Variants in SPATA6 observed in about 807,000 individuals in gnomAD.
SPATA6 encodes spermatogenesis associated 6.
In SPATA6, 56 loss-of-function variants were observed where a neutral mutation model predicts 65.3. The ratio of observed to expected loss-of-function variants is 0.86; its 90% CI spans 0.69 to 1.07. The LOEUF is 1.07. SPATA6 is among the 50% of genes least tolerant of loss of function. The pLI is 0.00. For missense variants in SPATA6, 590 were observed against 594.8 expected (o/e 0.99, Z 0.08); for synonymous variants, 199 against 213.2 (o/e 0.93, Z 0.58).
chr1:48,262,461 A>G, the SPATA6 span: 1 of 152,286 alleles, frequency 6.6e-6, no homozygotes, highest in Admixed American at 6.5e-5. Flanking sequence ...GCGTAAGTAG[A>G]TCATATAACC....
downstream of SPATA6, among the ~76,000 whole-genome samples, chr1:48,291,167 C>A (rs72887976): frequency 0.025 from 3,751 of 152,276 alleles, 99 homozygotes; most frequent in African/African-American, 0.067. Context: ...CTGTGAGGGT[C>A]CTCGATTTAA....
the SPATA6 span, among the ~76,000 whole-genome samples, chr1:48,275,617 T>C: frequency 6.6e-6 from 1 of 152,200 alleles, no homozygotes; most frequent in East Asian, 1.9e-4. Flanking sequence ...TTTGTCATTG[T>C]TTCTGTTTCT....
chr1:48,299,252 G>A (rs1053811077), intron 12 of SPATA6, among the ~76,000 whole-genome samples: 5 of 151,902 alleles, frequency 3.3e-5, no homozygotes, highest in African/African-American at 4.8e-5. Flanking sequence ...AGTGGCTCAC[G>A]CCTATAATCC....
chr1:48,471,596 A>G (rs1658252893), intron 1 of SPATA6, among the ~76,000 whole-genome samples: 1 of 152,074 alleles, frequency 6.6e-6, no homozygotes, highest in African/African-American at 2.4e-5. Context: ...ATAATTCTCT[A>G]AGAGAACTGG....
At chr1:48,320,416 C>G (rs1645567588) in intron 11 of SPATA6, among the ~76,000 whole-genome samples, 1 of 152,162 alleles carries the variant, frequency 6.6e-6, no homozygotes, top group African/African-American at 2.4e-5. Context: ...CGGCAGCAAG[C>G]TGACTTCTCA....
intron 3 of SPATA6, among the ~76,000 whole-genome samples, chr1:48,432,250 A>G (rs1382456629): frequency 6.6e-6 from 1 of 152,240 alleles, no homozygotes; most frequent in Non-Finnish European, 1.5e-5. Flanking sequence ...GATTTCTTGG[A>G]TAACACAACC....
At chr1:48,400,977 G>T in intron 6 of SPATA6, 2 of 318,030 alleles carry the variant, frequency 6.3e-6, no homozygotes, top group Non-Finnish European at 1.0e-5. Flanking sequence ...AAACATTCAA[G>T]CAATGAATCT....
chr1:48,400,754 C>A, intron 6 of SPATA6: 1 of 1,286,302 alleles, frequency 7.8e-7, no homozygotes, highest in Non-Finnish European at 1.0e-6. Context: ...GGGCAATGGT[C>A]TATGCATTTC....
chr1:48,339,949 GA>G (rs1256716381), intron 11 of SPATA6, among the ~76,000 whole-genome samples: 1 of 151,948 alleles, frequency 6.6e-6, no homozygotes, highest in African/African-American at 2.4e-5. Context: ...ATTGAGTGAA[GA>G]AAGTCTGAGT....
intron 5 of SPATA6, among the ~76,000 whole-genome samples, chr1:48,405,938 T>G (rs981647257): frequency 6.6e-6 from 1 of 152,124 alleles, no homozygotes. Flanking sequence ...TTGTACAACT[T>G]CAGCTTGAAA....
chr1:48,403,174 A>T (rs1442090605), intron 6 of SPATA6, among the ~76,000 whole-genome samples: 1 of 152,186 alleles, frequency 6.6e-6, no homozygotes, highest in Admixed American at 6.5e-5. Context: ...AAATATATTT[A>T]AAAAAAGGAA....
intron 11 of SPATA6, chr1:48,325,773 C>A: frequency 2.2e-6 from 1 of 464,694 alleles, no homozygotes; most frequent in South Asian, 2.1e-5. Flanking sequence ...GTGGATGCGT[C>A]AAATGAGACC....
intron 3 of SPATA6, among the ~76,000 whole-genome samples, chr1:48,429,931 T>C (rs1376804211): frequency 2.0e-5 from 3 of 151,878 alleles, no homozygotes; most frequent in Non-Finnish European, 4.4e-5. Context: ...CAGTACAAAT[T>C]ATTGAGTCTG....
chr1:48,305,382 C>G lies in SPATA6; in HGVS notation c.1286+405G>C, dbSNP rs181291554. 1.5e-3 allele frequency among the ~76,000 whole-genome samples: 223 copies of G among 152,170 alleles called. 2 individuals are homozygous for G. Among genetic ancestry groups the G allele is most frequent in the African/African-American group, 5.1e-3 (213 of 41,544 alleles). ...CTGTCAAAAATCTTGATGAAATTTG[C>G]TCATATAAACTTGTACAAATGTTAT... On this transcript the variant is annotated intron_variant, in intron 12 of 12. Transcript: ENST00000371847.
chr1:48,394,877 C>A (rs971675321), intron 8 of SPATA6, among the ~76,000 whole-genome samples: 1 of 151,846 alleles, frequency 6.6e-6, no homozygotes, highest in East Asian at 1.9e-4. Context: ...CATAGCACTA[C>A]TAGGGCTAAA....
intron 1 of SPATA6, among the ~76,000 whole-genome samples, chr1:48,465,228 A>G (rs1016850321): frequency 6.6e-6 from 1 of 152,136 alleles, no homozygotes; most frequent in African/African-American, 2.4e-5. Context: ...AGCAGCCACA[A>G]TCCAAGGAAT....
intron 11 of SPATA6, among the ~76,000 whole-genome samples, chr1:48,351,460 T>C (rs1051898032): frequency 3.9e-5 from 6 of 152,072 alleles, no homozygotes; most frequent in Admixed American, 3.9e-4. Context: ...TTTCAACAGA[T>C]GCTCAAAGGA....
At chr1:48,414,366 T>G (rs1652562668) in intron 3 of SPATA6, among the ~76,000 whole-genome samples, 1 of 152,182 alleles carries the variant, frequency 6.6e-6, no homozygotes, top group South Asian at 2.1e-4. Flanking sequence ...GAGAAATTCT[T>G]TTTTCTACAG....
the SPATA6 span, chr1:48,262,123 C>A: frequency 6.6e-6 from 1 of 152,020 alleles, no homozygotes; most frequent in Non-Finnish European, 1.5e-5. Flanking sequence ...GCATGAGCAA[C>A]AAGAAACATC....
Sources: allele counts gnomAD v4.1 joint callset (sites outside exome capture counted in the v4.1 genomes callset), GRCh38; gene constraint gnomAD v4.1.1; transcripts MANE v1.5; gene names NCBI Gene and HGNC (gene_info 2026-07-23, HGNC 2026-07-21).